SUPT3H: variants seen among roughly 807,000 people sequenced by gnomAD.
The protein encoded by SUPT3H is transcription initiation protein SPT3 homolog.
Under a neutral mutation model 44.3 loss-of-function variants are expected in SUPT3H, and 44 were observed. That is an observed-to-expected ratio of 0.99 (90% CI 0.78 to 1.28). The LOEUF (loss-of-function observed/expected upper bound fraction) is 1.28, where lower values mean the gene tolerates loss of function less well. Among genes scored for constraint, SUPT3H ranks in the 50% most tolerant of loss-of-function variants. The pLI is 0.00. For synonymous variants in SUPT3H, 124 were observed against 125.6 expected, an observed-to-expected ratio of 0.99 and a Z score of 0.09; for missense variants, 380 against 387.1, an observed-to-expected ratio of 0.98 and a Z score of 0.15.
intron 9 of SUPT3H, among the ~76,000 whole-genome samples, chr6:44,943,901 C>T (rs2153467767): frequency 6.6e-6 from 1 of 151,968 alleles, no homozygotes; most frequent in East Asian, 1.9e-4. Context: ...TTTAGCAGAA[C>T]AGAAAAGAAA....
chr6:44,821,008 G>T (rs535586977), intron 11 of SUPT3H, among the ~76,000 whole-genome samples: 49 of 152,138 alleles, frequency 3.2e-4, no homozygotes, highest in African/African-American at 1.2e-3. Flanking sequence ...GTGCCACTGT[G>T]CCTGGCTACT....
At chr6:45,063,303 C>T (rs1403731255) in intron 3 of SUPT3H, among the ~76,000 whole-genome samples, 1 of 149,852 alleles carries the variant, frequency 6.7e-6, no homozygotes, top group Admixed American at 6.6e-5. Flanking sequence ...CACCGAAAAC[C>T]CATCTGTACA....
intron 2 of SUPT3H, among the ~76,000 whole-genome samples, chr6:45,284,614 C>A (rs891937097): frequency 6.6e-6 from 1 of 152,044 alleles, no homozygotes; most frequent in African/African-American, 2.4e-5. Flanking sequence ...AGCTTACCAA[C>A]CAAAAAAAGT....
At chr6:45,075,378 T>C (rs1343220282) in intron 3 of SUPT3H, among the ~76,000 whole-genome samples, 1 of 152,088 alleles carries the variant, frequency 6.6e-6, no homozygotes, top group Non-Finnish European at 1.5e-5. Flanking sequence ...CTTCTCTGAC[T>C]ACATGGTATT....
intron 10 of SUPT3H, among the ~76,000 whole-genome samples, chr6:44,845,747 G>T (rs1771753417): frequency 6.6e-6 from 1 of 152,212 alleles, no homozygotes; most frequent in African/African-American, 2.4e-5. Context: ...GCTGGCATGA[G>T]CCCAGGCCAC....
intron 2 of SUPT3H, among the ~76,000 whole-genome samples, chr6:45,169,283 T>A (rs1310882042): frequency 1.3e-5 from 2 of 152,182 alleles, no homozygotes; most frequent in Non-Finnish European, 2.9e-5. Context: ...ATTCAACAAC[T>A]CTGCTGCTGT....
intron 2 of SUPT3H, among the ~76,000 whole-genome samples, chr6:45,144,525 A>G (rs1187151992): frequency 2.0e-5 from 3 of 152,164 alleles, no homozygotes; most frequent in Non-Finnish European, 4.4e-5. Flanking sequence ...AAACCCATCT[A>G]TGACAAATGT....
chr6:44,956,484 T>TAA, intron 7 of SUPT3H, among the ~76,000 whole-genome samples: 1 of 2,704 alleles, frequency 3.7e-4, no homozygotes, highest in Non-Finnish European at 5.8e-4. Context: ...AAAAAAAAAA[T>TAA]AAAAAAAAAA....
chr6:45,288,298 A>G (rs1306290338), intron 2 of SUPT3H, among the ~76,000 whole-genome samples: 1 of 152,000 alleles, frequency 6.6e-6, no homozygotes, highest in Non-Finnish European at 1.5e-5. Flanking sequence ...AGAAGCATAA[A>G]TAACGGTATT....
At chr6:45,110,934 ATTTCT>A (rs78252242) in intron 2 of SUPT3H, among the ~76,000 whole-genome samples, 1 of 152,108 alleles carries the variant, frequency 6.6e-6, no homozygotes, top group African/African-American at 2.4e-5. Context: ...GTGTGTGTGT[ATTTCT>A]TTTCAAGTTA....
At chr6:45,119,751 T>G (rs1801344715) in intron 2 of SUPT3H, among the ~76,000 whole-genome samples, 1 of 152,088 alleles carries the variant, frequency 6.6e-6, no homozygotes, top group Non-Finnish European at 1.5e-5. Flanking sequence ...GATTTTCACA[T>G]GTAGAAGGAA....
chr6:44,930,572 A>G (rs1376210172), intron 10 of SUPT3H, among the ~76,000 whole-genome samples: 2 of 151,054 alleles, frequency 1.3e-5, no homozygotes, highest in Non-Finnish European at 3.0e-5. Context: ...CTCAAAAAAA[A>G]AAAAAAAAAA....
intron 2 of SUPT3H, among the ~76,000 whole-genome samples, chr6:45,158,294 A>ATT (rs1554266490): frequency 2.3e-4 from 7 of 30,520 alleles, no homozygotes; most frequent in Non-Finnish European, 3.7e-4. Context: ...ATATATATAT[A>ATT]TATATTTTTT....
chr6:45,114,115 A>C (rs1290729640), intron 2 of SUPT3H, among the ~76,000 whole-genome samples: 2 of 152,046 alleles, frequency 1.3e-5, no homozygotes, highest in African/African-American at 4.8e-5. Flanking sequence ...TAATATACAT[A>C]TATGTTTAAA....
rs927032327 is a variant in SUPT3H at position 44,813,231 on chromosome 6, G to T, written c.*53-3730C>A. On this transcript the variant is annotated intron_variant and NMD_transcript_variant, in intron 11 of 11. Coordinates refer to the SUPT3H transcript ENST00000475057. ...GACAAGGTCTTGATCTGTCATCCAG[G>T]TTGGAGTGCGGTGGTGCAATCATAA... is the stretch of plus-strand genomic sequence containing the variant. 2.6e-5 allele frequency among the ~76,000 whole-genome samples: 4 copies of T among 152,296 alleles called. No homozygotes were observed. The East Asian group carries it at 7.7e-4, about 29-fold the overall frequency.
rs537185456 is a variant in SUPT3H at position 45,106,260 on chromosome 6, C to T, written c.102-254G>A. On this transcript the variant is annotated intron_variant, in intron 2 of 10. Transcript: ENST00000371459. ...CAGCCTGCATAACATGGTGAAACTC[C>T]GCCTCTACAATAAATACAAAAATTA... Among the ~76,000 whole-genome samples the T allele has an allele frequency of 5.3e-5, 8 of 152,128 alleles. No individual in the cohort carries two copies. In the East Asian group the frequency reaches 9.7e-4, roughly 18 times the overall value.
chr6:45,121,001 C>T (rs1302952855), intron 2 of SUPT3H, among the ~76,000 whole-genome samples: 1 of 151,996 alleles, frequency 6.6e-6, no homozygotes, highest in Non-Finnish European at 1.5e-5. Context: ...AAATATTACA[C>T]AGAGATTAAA....
rs1339804060 is a variant in SUPT3H, at chr6:45,154,085, A to AC, written c.102-48080_102-48079insG. 1.4e-4 allele frequency among the ~76,000 whole-genome samples: 20 copies of AC among 143,600 alleles called. 2 individuals carry two copies. The highest frequency in any genetic ancestry group is 4.3e-4 in the African/African-American group (17 of 39,790). The allele number at this position is 143,600 out of a possible 152,430, so 94.2% of individuals were successfully genotyped here. A position where few individuals can be genotyped will look rare whatever the true frequency, so the allele number is the denominator to read the frequency against. ...ACTCTGTCTCAAGAAAAAAAAAAAA[A>AC]AAAGCGCTTAGTCCTCCTATGTTAG... On this transcript the variant is annotated intron_variant, in intron 2 of 10. Coordinates refer to ENST00000371459, the MANE Select transcript of SUPT3H (RefSeq NM_003599.4).
At chr6:45,028,863 A>G (rs1786442629) in intron 3 of SUPT3H, among the ~76,000 whole-genome samples, 2 of 144,708 alleles carry the variant, frequency 1.4e-5, no homozygotes, top group African/African-American at 5.0e-5. Flanking sequence ...TTGCCTTTCA[A>G]AACATTTTCT....
Sources: allele counts gnomAD v4.1 joint callset (sites outside exome capture counted in the v4.1 genomes callset), GRCh38; gene constraint gnomAD v4.1.1; transcripts MANE v1.5; gene names NCBI Gene and HGNC (gene_info 2026-07-23, HGNC 2026-07-21).